Variants in RAD54L observed in about 807,000 individuals in gnomAD.
The protein encoded by RAD54L is RAD54 like, also known as DNA repair and recombination protein RAD54-like.
Under a neutral mutation model 91.6 loss-of-function variants are expected in RAD54L, and 74 were observed. The ratio of observed to expected loss-of-function variants is 0.81; its 90% CI spans 0.67 to 0.98. The LOEUF (loss-of-function observed/expected upper bound fraction) is 0.98, where lower values mean the gene tolerates loss of function less well. RAD54L is among the 50% of genes least tolerant of loss of function. The pLI, the probability that RAD54L is intolerant of heterozygous loss-of-function variation, is 0.00. For synonymous variants in RAD54L, 304 were observed against 349.7 expected (o/e 0.87, Z 1.46); for missense variants, 887 against 945.7 (o/e 0.94, Z 0.81).
rs1213062014 is a variant in RAD54L, at chr1:46,267,641, G to A, written c.1042+32G>A. 9 of 1,576,372 alleles carry A rather than the reference G, an allele frequency of 5.7e-6. No individual in the cohort carries two copies. The South Asian group carries it at 1.0e-4, about 17-fold the overall frequency. ...ATCTAGCCTTGTTTGCCACATCAGAGAGGAGCCCTGCCTTGTCTTTGGGAG... is the reference window on the plus strand; with the variant it reads ...ATCTAGCCTTGTTTGCCACATCAGAAAGGAGCCCTGCCTTGTCTTTGGGAG... On this transcript the variant is annotated intron_variant, in intron 9 of 17. Transcript: ENST00000371975.
Position 46,272,834 on chromosome 1 carries a change from T to C in RAD54L, c.1375+32T>C, listed in dbSNP as rs4987211. The C allele has an allele frequency of 1.9e-5, 31 of 1,613,608 alleles. No individual in the cohort carries two copies. In the African/African-American group the frequency reaches 3.5e-4, roughly 18 times the overall value. On this transcript the variant is annotated intron_variant, in intron 12 of 17. Transcript: ENST00000371975. Reference sequence around the variant, plus strand: ...TGGGCTTGTGTCCTGGTGTCCTCTGTGAGAGTGAGCAAGGGAGGGTAGGTT... The same window carrying C: ...TGGGCTTGTGTCCTGGTGTCCTCTGCGAGAGTGAGCAAGGGAGGGTAGGTT...
intron 3 of RAD54L, among the ~76,000 whole-genome samples, chr1:46,255,952 T>C (rs892712011): frequency 1.3e-5 from 2 of 152,228 alleles, no homozygotes; most frequent in South Asian, 4.1e-4. Flanking sequence ...CATAAATTCT[T>C]GGCTACTCAG....
At chr1:46,269,651 C>T (rs533565745) in intron 9 of RAD54L, among the ~76,000 whole-genome samples, 1 of 152,304 alleles carries the variant, frequency 6.6e-6, no homozygotes, top group Non-Finnish European at 1.5e-5. Context: ...TCAATTTATA[C>T]ACCTACTGCC....
chr1:46,260,858 G>T lies in RAD54L; in HGVS notation c.609G>T (p.Gln203His), dbSNP rs767183024. ...CATTGATGTGGACACTTTTACGCCA[G>T]AGTCCAGAGTGCAAGCCAGAAATTG... ...CITLMWTLLR[Q>H]SPECKPEIDK... Residue 203 changes from glutamine (Q) to histidine (H), a missense_variant, in exon 7 of 18, where the codon CAG becomes CAT. Coordinates refer to ENST00000371975, the MANE Select transcript of RAD54L (RefSeq NM_003579.4). The T allele has an allele frequency of 1.2e-6, 2 of 1,614,254 alleles. No individual in the cohort carries two copies. The highest frequency in any genetic ancestry group is 8.5e-7 in the Non-Finnish European group (1 of 1,180,048).
rs749368390 is a variant in RAD54L, at chr1:46,278,149, C to G, written c.2111C>G (p.Ala704Gly). The change falls in exon 18 of 18, where the codon GCA becomes GGA. Residue 704 changes from alanine (A) to glycine (G), a missense_variant. By Grantham distance (60) the Ala-to-Gly change is moderately conservative (BLOSUM62 0). Coordinates refer to ENST00000371975, the MANE Select transcript of RAD54L (RefSeq NM_003579.4). ...GGTTCTGACTGCACTTCAGACCTGGCAGGGTGGAACCACTGCACTGATAAG... is the reference window on the plus strand; with the variant it reads ...GGTTCTGACTGCACTTCAGACCTGGGAGGGTGGAACCACTGCACTGATAAG... Reference protein sequence around the residue: ...PDGSDCTSDLAGWNHCTDKWG... With the variant: ...PDGSDCTSDLGGWNHCTDKWG... The G allele has an allele frequency of 1.9e-6, 3 of 1,613,756 alleles. No homozygotes were observed. Among genetic ancestry groups the G allele is most frequent in the Middle Eastern group, 1.7e-4 (1 of 6,060 alleles).
Position 46,272,025 on chromosome 1 carries a change from CTTTTTTTTTTTTTTTTTTTTTT to C in RAD54L, c.1170-428_1170-407del, listed in dbSNP as rs1162693010. ...GATGTGTTTGACATAGGTCTGATGA[CTTTTTTTTTTTTTTTTTTTTTT>C]TTTTTTTTTTTTGAGATGGAGTCTT... On this transcript the variant is annotated intron_variant, in intron 10 of 17. Transcript: ENST00000371975. Among the ~76,000 whole-genome samples the C allele has an allele frequency of 1.7e-4, 7 of 41,170 alleles. 1 individual carries two copies. The Admixed American group carries it at 3.0e-3, about 18-fold the overall frequency. 27.0% of individuals were successfully genotyped at this position (41,170 alleles called of 152,430 possible).
At chr1:46,255,153 C>G (rs1430898233) in intron 3 of RAD54L, among the ~76,000 whole-genome samples, 1 of 152,116 alleles carries the variant, frequency 6.6e-6, no homozygotes, top group East Asian at 1.9e-4. Context: ...ATATAACTTA[C>G]TAGAAGTTTG....
At chr1:46,253,590 G>A (rs1355732336) in intron 3 of RAD54L, among the ~76,000 whole-genome samples, 2 of 151,564 alleles carry the variant, frequency 1.3e-5, no homozygotes, top group Admixed American at 6.6e-5. Context: ...GCTCCAGCCT[G>A]GTGACAGAGC....
At chr1:46,247,730 C>A (rs1659682274), upstream of RAD54L, 1 of 157,940 alleles carries the variant, frequency 6.3e-6, no homozygotes, top group South Asian at 1.7e-4. Context: ...TTCGATTGAC[C>A]CGGTCTTGGC....
intron 4 of RAD54L, 95 bp from the exon 5 acceptor site, chr1:46,259,869 C>A: frequency 6.5e-7 from 1 of 1,543,288 alleles, no homozygotes; most frequent in South Asian, 1.1e-5. Flanking sequence ...CATATGGGAG[C>A]TCGGGAAAGG....
chr1:46,250,232 C>A, intron 3 of RAD54L, 113 bp downstream of exon 3: 1 of 1,439,390 alleles, frequency 6.9e-7, no homozygotes, highest in Non-Finnish European at 9.7e-7. Context: ...AGAAGACACA[C>A]ATCTGTAGGG....
At chr1:46,261,494 G>C in intron 8 of RAD54L, 109 bp downstream of exon 8, 1 of 1,390,792 alleles carries the variant, frequency 7.2e-7, no homozygotes, top group Non-Finnish European at 1.0e-6. Context: ...CTGAAGACAG[G>C]ATGCTGCCTT....
rs147941516 is a variant in RAD54L at position 46,260,066 on chromosome 1, C to T, written c.374C>T (p.Pro125Leu). The T allele has an allele frequency of 2.8e-4, 450 of 1,614,078 alleles. No homozygotes were observed. Among genetic ancestry groups the T allele is most frequent in the Non-Finnish European group, 2.9e-4 (343 of 1,180,042 alleles). ...GCCTTGGTTCTGTATGAGCCTCCCC[C>T]GCTGAGCGCTCATGACCAGCTGAAG... ...KDALVLYEPP[P>L]LSAHDQLKLD... The change falls in exon 5 of 18, where the codon CCG becomes CTG. Residue 125 changes from proline to leucine, a missense_variant. Physicochemically the swap from Pro to Leu is moderately conservative, Grantham distance 98 (BLOSUM62 -3). Transcript: ENST00000371975.
At chr1:46,255,279 G>A (rs756353855) in intron 3 of RAD54L, among the ~76,000 whole-genome samples, 7 of 152,170 alleles carry the variant, frequency 4.6e-5, no homozygotes, top group African/African-American at 7.2e-5. Context: ...TGAGATACAA[G>A]AGTGATCAGT....
chr1:46,278,193 G>A lies in RAD54L; in HGVS notation c.2155G>A (p.Val719Ile), dbSNP rs2148309087. The change falls in exon 18 of 18, where the codon GTA becomes ATA. Residue 719 changes from valine to isoleucine, a missense_variant. Val to Ile is a conservative substitution (Grantham distance 29). Coordinates refer to ENST00000371975, the MANE Select transcript of RAD54L (RefSeq NM_003579.4). ...CTDKWGLRDEVLQAAWDAAST... is the reference protein window; with the variant it reads ...CTDKWGLRDEILQAAWDAAST... ...TGATAAGTGGGGGCTCCGGGATGAGGTACTCCAGGCTGCCTGGGATGCTGC... is the reference window on the plus strand; with the variant it reads ...TGATAAGTGGGGGCTCCGGGATGAGATACTCCAGGCTGCCTGGGATGCTGC... 1 of 1,613,898 alleles carries A rather than the reference G, an allele frequency of 6.2e-7. No individual in the cohort carries two copies. Among genetic ancestry groups the A allele is most frequent in the East Asian group, 2.2e-5 (1 of 44,870 alleles).
At position 46,263,730 on chromosome 1, in the gene RAD54L, T is replaced by C. The variant is rs1032494005; in HGVS notation, c.891+2345T>C. On this transcript the variant is annotated intron_variant, in intron 8 of 17. Coordinates refer to ENST00000371975, the MANE Select transcript of RAD54L (RefSeq NM_003579.4). The surrounding 1 kb of genome is among the most constrained non-coding windows in gnomAD (Gnocchi z 4.3). The stretch of plus-strand genomic sequence containing the variant: ...TATGCCAGGAGCCAGGTCCAAAGCA[T>C]TGTGGGAGAGGAAGGCAGGCTGTAG... 3.9e-5 allele frequency among the ~76,000 whole-genome samples: 6 copies of C among 151,996 alleles called. No homozygotes were observed. Among genetic ancestry groups the C allele is most frequent in the Admixed American group, 6.6e-5 (1 of 15,248 alleles).
intron 3 of RAD54L, among the ~76,000 whole-genome samples, chr1:46,253,284 G>A (rs758894566): frequency 6.6e-6 from 1 of 152,186 alleles, no homozygotes; most frequent in Non-Finnish European, 1.5e-5. Context: ...ATTTTGACTT[G>A]TATTAATGCT....
intron 2 of RAD54L, 79 bp downstream of exon 2, chr1:46,248,677 C>A (rs921130862): frequency 7.7e-7 from 1 of 1,292,534 alleles, no homozygotes; most frequent in Non-Finnish European, 1.1e-6. Context: ...TCTAGGGTTA[C>A]ATAGCCAATT....
intron 16 of RAD54L, 123 bp downstream of exon 16, chr1:46,274,840 A>G: frequency 1.8e-6 from 2 of 1,136,516 alleles, no homozygotes; most frequent in East Asian, 2.4e-5. Context: ...CTATGGGCCC[A>G]GAAGTGAGTC....
Sources: gnomAD v4.1 joint callset for allele counts (sites outside exome capture counted in the v4.1 genomes callset) on GRCh38, gnomAD v4.1.1 for gene constraint, Gnocchi (gnomAD v3.1) non-coding constraint, MANE v1.5 for transcripts, NCBI Gene and HGNC (gene_info 2026-07-23, HGNC 2026-07-21) for gene names.